TBL1XR1: variants seen among roughly 807,000 people sequenced by gnomAD.
TBL1XR1 encodes the protein F-box-like/WD repeat-containing protein TBL1XR1.
Under a neutral mutation model 66.9 loss-of-function variants are expected in TBL1XR1, and 5 were observed. That is an observed-to-expected ratio of 0.07 (90% CI 0.04 to 0.16). The LOEUF (loss-of-function observed/expected upper bound fraction) is 0.16, where lower values mean the gene tolerates loss of function less well. TBL1XR1 is among the 10% of genes least tolerant of loss of function. The pLI is 1.00. For synonymous variants in TBL1XR1, 210 were observed against 206.0 expected, an observed-to-expected ratio of 1.02 and a Z score of -0.17; for missense variants, 238 against 623.2, an observed-to-expected ratio of 0.38 and a Z score of 6.58.
intron 2 of TBL1XR1, among the ~76,000 whole-genome samples, chr3:177,081,010 G>A (rs1313540375): frequency 1.3e-5 from 2 of 152,188 alleles, no homozygotes; most frequent in Admixed American, 1.3e-4. Flanking sequence ...TTTAAAGGAT[G>A]TAAAGATATG....
chr3:177,067,364 C>T (rs896868810), intron 2 of TBL1XR1, among the ~76,000 whole-genome samples: 1 of 152,132 alleles, frequency 6.6e-6, no homozygotes, highest in African/African-American at 2.4e-5. Context: ...TTCTTTTCCC[C>T]TAATATCATT....
rs539909875 is a variant in TBL1XR1, at chr3:177,192,653, A to G, written c.-122+4468T>C. ...GAAATGGAGCTATCAAATCCTTCCT[A>G]TGACATTATGCCCCTACTAAAATAA... On this transcript the variant is annotated intron_variant, in intron 1 of 15. Coordinates refer to ENST00000457928, the MANE Select transcript of TBL1XR1 (RefSeq NM_024665.7). 1.8e-4 allele frequency among the ~76,000 whole-genome samples: 27 copies of G among 152,356 alleles called. No individual in the cohort carries two copies. In the South Asian group the frequency reaches 5.4e-3, roughly 30 times the overall value.
At chr3:177,176,696 T>C (rs1027026816) in intron 1 of TBL1XR1, among the ~76,000 whole-genome samples, 1 of 151,816 alleles carries the variant, frequency 6.6e-6, no homozygotes. Flanking sequence ...ATGCCTGTAA[T>C]CCCACCTATT....
At chr3:177,069,632 G>A (rs1039024838) in intron 2 of TBL1XR1, among the ~76,000 whole-genome samples, 20 of 152,014 alleles carry the variant, frequency 1.3e-4, no homozygotes, top group Admixed American at 1.0e-3. Context: ...TCAGCTACTC[G>A]GGAGGCTGAA....
chr3:177,154,079 T>C (rs2108863231), intron 1 of TBL1XR1, among the ~76,000 whole-genome samples: 1 of 151,858 alleles, frequency 6.6e-6, no homozygotes, highest in Admixed American at 6.6e-5. Context: ...TAAATGCAAA[T>C]TATCTAAATC....
intron 1 of TBL1XR1, among the ~76,000 whole-genome samples, chr3:177,163,274 A>AG (rs1468482616): frequency 6.6e-6 from 1 of 152,198 alleles, no homozygotes; most frequent in Non-Finnish European, 1.5e-5. Context: ...TGGGAGGCCA[A>AG]GGCGGGCAGA....
At chr3:177,072,916 T>C (rs1577082388) in intron 2 of TBL1XR1, among the ~76,000 whole-genome samples, 2 of 152,104 alleles carry the variant, frequency 1.3e-5, no homozygotes, top group Middle Eastern at 6.8e-3. Context: ...ATACAAAAAT[T>C]AGCCAGGTGT....
intron 1 of TBL1XR1, among the ~76,000 whole-genome samples, chr3:177,148,447 G>A (rs1172349159): frequency 1.3e-5 from 2 of 152,216 alleles, no homozygotes; most frequent in African/African-American, 4.8e-5. Context: ...CAGGCACAGT[G>A]GCTCACGCCT....
intron 1 of TBL1XR1, among the ~76,000 whole-genome samples, chr3:177,179,368 T>C (rs1335688020): frequency 1.3e-5 from 2 of 152,206 alleles, no homozygotes; most frequent in African/African-American, 2.4e-5. Flanking sequence ...AATCTCCTTG[T>C]TGTACTGACA....
At chr3:177,181,822 G>GAA (rs199618348) in intron 1 of TBL1XR1, among the ~76,000 whole-genome samples, 10 of 86,594 alleles carry the variant, frequency 1.2e-4, no homozygotes, top group African/African-American at 2.7e-4. Context: ...TTCAAGTTAG[G>GAA]AAAAAAAAAA....
chr3:177,027,227 G>C (rs1189739289), intron 14 of TBL1XR1: 1 of 152,216 alleles, frequency 6.6e-6, no homozygotes, highest in Non-Finnish European at 1.5e-5. Flanking sequence ...TTGAACTCCT[G>C]GCCTCAAGCA....
chr3:177,098,908 T>C (rs763466366), intron 1 of TBL1XR1, among the ~76,000 whole-genome samples: 46 of 152,204 alleles, frequency 3.0e-4, no homozygotes, highest in Non-Finnish European at 6.3e-4. Context: ...AAACTTGCAT[T>C]CTATATTGTT....
intron 3 of TBL1XR1, among the ~76,000 whole-genome samples, chr3:177,064,584 T>C (rs965167483): frequency 6.6e-6 from 1 of 152,214 alleles, no homozygotes; most frequent in African/African-American, 2.4e-5. Flanking sequence ...CAACATTTAA[T>C]TGAGAATTCT....
chr3:177,032,299 T>A (rs1186691784), intron 14 of TBL1XR1: 1 of 152,120 alleles, frequency 6.6e-6, no homozygotes, highest in Admixed American at 6.6e-5. Context: ...TCAAAGTAAG[T>A]GATGAAAATT....
chr3:177,111,199 G>T (rs1725515747), intron 1 of TBL1XR1, among the ~76,000 whole-genome samples: 1 of 151,480 alleles, frequency 6.6e-6, no homozygotes, highest in Non-Finnish European at 1.5e-5. Flanking sequence ...AAAGGGCAAA[G>T]AATCCACAAA....
chr3:177,196,899 G>C (rs189394851), intron 1 of TBL1XR1, among the ~76,000 whole-genome samples: 56 of 151,916 alleles, frequency 3.7e-4, no homozygotes, highest in Non-Finnish European at 7.5e-4. Context: ...GCATTTCAAA[G>C]AAACCTGAGA....
At chr3:177,187,476 G>A (rs1041970836) in intron 1 of TBL1XR1, among the ~76,000 whole-genome samples, 1 of 151,214 alleles carries the variant, frequency 6.6e-6, no homozygotes, top group African/African-American at 2.4e-5. Flanking sequence ...GCACAAATAA[G>A]AGAACTTCAG....
chr3:177,156,684 A>G (rs1290896500), intron 1 of TBL1XR1, among the ~76,000 whole-genome samples: 3 of 152,066 alleles, frequency 2.0e-5, no homozygotes, highest in Non-Finnish European at 1.5e-5. Context: ...AAGGAGCAAA[A>G]TATTTGAACA....
intron 1 of TBL1XR1, among the ~76,000 whole-genome samples, chr3:177,168,158 A>T (rs1286377422): frequency 6.6e-6 from 1 of 152,246 alleles, no homozygotes; most frequent in African/African-American, 2.4e-5. Context: ...TGTCACAGGT[A>T]AATTAAAAAT....
Sources: gnomAD v4.1 joint callset for allele counts (sites outside exome capture counted in the v4.1 genomes callset) on GRCh38, gnomAD v4.1.1 for gene constraint, MANE v1.5 for transcripts, NCBI Gene and HGNC (gene_info 2026-07-23, HGNC 2026-07-21) for gene names.